Variants in SCFD2 observed in about 807,000 individuals in gnomAD.
The protein encoded by SCFD2 is sec1 family domain-containing protein 2.
Under a neutral mutation model 58.9 loss-of-function variants are expected in SCFD2, and 54 were observed. The observed-to-expected ratio is 0.92, with a 90% CI of 0.74 to 1.15. The LOEUF (loss-of-function observed/expected upper bound fraction) is 1.15, where lower values mean the gene tolerates loss of function less well. Among genes scored for constraint, SCFD2 ranks in the 50% most tolerant of loss-of-function variants. SCFD2 has a pLI of 0.00. For synonymous variants in SCFD2, 321 were observed against 335.9 expected (o/e 0.96, Z 0.49); for missense variants, 805 against 836.6 (o/e 0.96, Z 0.47).
intron 7 of SCFD2, among the ~76,000 whole-genome samples, chr4:52,888,293 G>A (rs1718791486): frequency 6.6e-6 from 1 of 152,164 alleles, no homozygotes; most frequent in South Asian, 2.1e-4. Context: ...CAGGAGGAAA[G>A]GAAGGACAGA....
At chr4:53,062,278 A>T (rs1246195873) in intron 5 of SCFD2, among the ~76,000 whole-genome samples, 1 of 151,946 alleles carries the variant, frequency 6.6e-6, no homozygotes, top group East Asian at 1.9e-4. Flanking sequence ...AAGCTGAAGC[A>T]GGAGAATCAC....
In SCFD2 at chr4:52,977,082, G is replaced by A. The variant is rs114572656; in HGVS notation, c.1562-56212C>T. Among the ~76,000 whole-genome samples the A allele has an allele frequency of 5.6e-3, 847 of 152,112 alleles. 9 individuals carry two copies. The highest frequency in any genetic ancestry group is 0.046 in the South Asian group (223 of 4,804). On this transcript the variant is annotated intron_variant, in intron 5 of 8. Transcript: ENST00000401642. ...CATATTCCTGTTATTATTGTTACCC[G>A]TATCACTCTAACTTCCTTGAGGTGG... is the stretch of plus-strand genomic sequence containing the variant.
chr4:52,972,640 T>A (rs1191987244), intron 5 of SCFD2, among the ~76,000 whole-genome samples: 1 of 152,114 alleles, frequency 6.6e-6, no homozygotes, highest in Admixed American at 6.5e-5. Context: ...TATCCAAGAA[T>A]TGAACTCAGC....
intron 7 of SCFD2, among the ~76,000 whole-genome samples, chr4:52,901,364 C>G (rs1428916560): frequency 6.6e-6 from 1 of 152,140 alleles, no homozygotes; most frequent in Non-Finnish European, 1.5e-5. Flanking sequence ...TTTTTGATGG[C>G]CCTGACAAAT....
At chr4:53,325,190 TGC>T (rs1491123622) in intron 2 of SCFD2, among the ~76,000 whole-genome samples, 25 of 150,666 alleles carry the variant, frequency 1.7e-4, no homozygotes, top group African/African-American at 2.2e-4. Flanking sequence ...TGTGTGTGTG[TGC>T]GCGTGCGCGC....
chr4:52,916,513 G>T (rs996734318), intron 6 of SCFD2, among the ~76,000 whole-genome samples: 1 of 152,224 alleles, frequency 6.6e-6, no homozygotes, highest in Non-Finnish European at 1.5e-5. Flanking sequence ...GGCAGAGGTT[G>T]CAGTGAGCCG....
chr4:53,257,297 G>C (rs1406943669), intron 4 of SCFD2, among the ~76,000 whole-genome samples: 1 of 152,208 alleles, frequency 6.6e-6, no homozygotes, highest in Admixed American at 6.5e-5. Flanking sequence ...GCAGGACAGA[G>C]TGCCTGTTCC....
intron 7 of SCFD2, among the ~76,000 whole-genome samples, chr4:52,890,795 G>T (rs1718862259): frequency 6.6e-6 from 1 of 152,100 alleles, no homozygotes; most frequent in Non-Finnish European, 1.5e-5. Context: ...CTTTTGAGGT[G>T]TGCGCCCCTG....
intron 3 of SCFD2, among the ~76,000 whole-genome samples, chr4:53,283,407 A>G (rs1335838107): frequency 6.6e-6 from 1 of 152,186 alleles, no homozygotes; most frequent in Non-Finnish European, 1.5e-5. Flanking sequence ...ATAAATACTG[A>G]TGCTATGAAC....
In SCFD2 at chr4:52,880,657, A is replaced by T. The variant is rs549102548; in HGVS notation, c.1962+5090T>A. On this transcript the variant is annotated intron_variant, in intron 8 of 8. Transcript: ENST00000401642. ...GAAAAAGAAAAAAAGAAAAAAAAGTATTGAACTCTGTAAATGTAGAACTAC... is the reference window on the plus strand; with the variant it reads ...GAAAAAGAAAAAAAGAAAAAAAAGTTTTGAACTCTGTAAATGTAGAACTAC... Among the ~76,000 whole-genome samples the T allele has an allele frequency of 3.9e-5, 6 of 152,138 alleles. No homozygotes were observed. In the South Asian group the frequency reaches 1.2e-3, roughly 32 times the overall value.
At chr4:53,150,759 A>G (rs1418943921) in intron 4 of SCFD2, among the ~76,000 whole-genome samples, 2 of 152,222 alleles carry the variant, frequency 1.3e-5, no homozygotes, top group Non-Finnish European at 2.9e-5. Context: ...AGACAATCCT[A>G]TATCACAGCC....
chr4:53,242,721 GC>G (rs1371038135), intron 4 of SCFD2, among the ~76,000 whole-genome samples: 1 of 152,182 alleles, frequency 6.6e-6, no homozygotes, highest in African/African-American at 2.4e-5. Context: ...ATCTAAGGAA[GC>G]TTAGAATCAC....
chr4:53,340,795 C>T (rs1053154496), intron 2 of SCFD2, among the ~76,000 whole-genome samples: 2 of 152,288 alleles, frequency 1.3e-5, no homozygotes, highest in South Asian at 4.1e-4. Flanking sequence ...CAACATTTGC[C>T]GATCTGCAAT....
intron 4 of SCFD2, among the ~76,000 whole-genome samples, chr4:53,151,979 CT>C (rs1442717171): frequency 1.3e-5 from 2 of 152,182 alleles, no homozygotes; most frequent in Admixed American, 6.5e-5. Flanking sequence ...CAAGAACTCA[CT>C]TGTTACGATG....
rs145350042 is a variant in SCFD2, at chr4:53,360,028, A to G, written c.838+5076T>C. Among the ~76,000 whole-genome samples the G allele has an allele frequency of 2.8e-3, 419 of 152,264 alleles. 3 individuals carry two copies. The highest frequency in any genetic ancestry group is 5.8e-3 in the Admixed American group (88 of 15,300). On this transcript the variant is annotated intron_variant, in intron 1 of 8. Coordinates refer to ENST00000401642, the MANE Select transcript of SCFD2 (RefSeq NM_152540.4). The stretch of plus-strand genomic sequence containing the variant: ...ACTAGCATGCTTCTAGGCTCTATCT[A>G]TTGCCTCCACTGGACAACAGTATTT...
At chr4:53,170,797 T>C (rs1727157416) in intron 4 of SCFD2, among the ~76,000 whole-genome samples, 1 of 152,180 alleles carries the variant, frequency 6.6e-6, no homozygotes, top group Non-Finnish European at 1.5e-5. Context: ...CTATTGTAAA[T>C]GGGATTGTCT....
intron 5 of SCFD2, among the ~76,000 whole-genome samples, chr4:53,097,912 G>A (rs1300489648): frequency 1.3e-5 from 2 of 152,170 alleles, no homozygotes; most frequent in Non-Finnish European, 2.9e-5. Context: ...TTTATTGAGA[G>A]TTGTTAGCAT....
chr4:52,903,825 C>A (rs1719281684), intron 7 of SCFD2, among the ~76,000 whole-genome samples: 1 of 152,104 alleles, frequency 6.6e-6, no homozygotes, highest in South Asian at 2.1e-4. Context: ...GATATCTTGA[C>A]CCACTAATGT....
intron 5 of SCFD2, among the ~76,000 whole-genome samples, chr4:52,933,694 A>G (rs527775226): frequency 6.6e-6 from 1 of 152,344 alleles, no homozygotes; most frequent in African/African-American, 2.4e-5. Flanking sequence ...TCCCAGAAAC[A>G]GCAAGGGATT....
Sources: allele counts gnomAD v4.1 joint callset (sites outside exome capture counted in the v4.1 genomes callset), GRCh38; gene constraint gnomAD v4.1.1; transcripts MANE v1.5; gene names NCBI Gene and HGNC (gene_info 2026-07-23, HGNC 2026-07-21).